PRMT8: variants seen among roughly 807,000 people sequenced by gnomAD.
The protein encoded by PRMT8 is protein arginine methyltransferase 8.
Under a neutral mutation model 47.1 loss-of-function variants are expected in PRMT8, and 7 were observed. The ratio of observed to expected loss-of-function variants is 0.15; its 90% CI spans 0.08 to 0.28. The LOEUF is 0.28. Among genes scored for constraint, PRMT8 ranks in the 10% least tolerant of loss-of-function variants. The pLI is 1.00. For missense variants in PRMT8, 237 were observed against 505.4 expected (o/e 0.47, Z 5.09); for synonymous variants, 188 against 186.5 (o/e 1.01, Z -0.07).
At chr12:3,541,701 G>C (rs1866233220) in intron 2 of PRMT8, among the ~76,000 whole-genome samples, 1 of 152,346 alleles carries the variant, frequency 6.6e-6, no homozygotes, top group East Asian at 1.9e-4. Flanking sequence ...ATGTGGAAAT[G>C]ATGACCCTGC....
intron 4 of PRMT8, among the ~76,000 whole-genome samples, chr12:3,558,797 A>T (rs1209990858): frequency 6.6e-6 from 1 of 152,196 alleles, no homozygotes; most frequent in East Asian, 1.9e-4. Context: ...TACTGACAGC[A>T]TCACTTAGGC....
At chr12:3,390,399 G>A (rs1210146630) in intron 1 of PRMT8, among the ~76,000 whole-genome samples, 3 of 152,220 alleles carry the variant, frequency 2.0e-5, no homozygotes, top group African/African-American at 7.2e-5. Context: ...ACCTATCAGT[G>A]AACTGATGTA....
rs545796138 is a variant in PRMT8, at chr12:3,514,560, T to C, written c.75+22860T>C. Among the ~76,000 whole-genome samples, 2 of 152,328 alleles carry C rather than the reference T, an allele frequency of 1.3e-5. No homozygotes were observed. The highest frequency in any genetic ancestry group is 3.9e-4 in the East Asian group (2 of 5,176). The stretch of plus-strand genomic sequence containing the variant: ...AATACATAACACGTGGAGCCTTTTT[T>C]CTGAGTGTGCCAGCATCCCACATGT... On this transcript the variant is annotated intron_variant, in intron 1 of 9. Transcript: ENST00000382622. This position sits in a 1 kb window ranked among gnomAD's most constrained non-coding sequence, Gnocchi z 5.9.
chr12:3,559,640 G>T (rs1866596539), intron 4 of PRMT8, among the ~76,000 whole-genome samples: 1 of 152,036 alleles, frequency 6.6e-6, no homozygotes, highest in Non-Finnish European at 1.5e-5. Flanking sequence ...TAATATGTTT[G>T]CTTACTACTC....
intron 1 of PRMT8, chr12:3,469,180 G>A (rs921543391): frequency 3.7e-5 from 18 of 485,686 alleles, no homozygotes; most frequent in South Asian, 3.1e-5. Flanking sequence ...GTGTGAGTGT[G>A]CAATTCACAG....
At chr12:3,584,013 G>A (rs550489047) in intron 8 of PRMT8, among the ~76,000 whole-genome samples, 106 of 152,364 alleles carry the variant, frequency 7.0e-4, no homozygotes, top group Non-Finnish European at 1.3e-3. Context: ...GCCTTAGTCA[G>A]AGGCTCTCAT....
chr12:3,577,961 A>G (rs754246707), intron 7 of PRMT8, among the ~76,000 whole-genome samples: 1 of 152,186 alleles, frequency 6.6e-6, no homozygotes, highest in Non-Finnish European at 1.5e-5. Context: ...ATCCTCCTCC[A>G]GAGGTAACCA....
intron 1 of PRMT8, among the ~76,000 whole-genome samples, chr12:3,505,840 C>T (rs143646759): frequency 3.9e-5 from 6 of 152,252 alleles, no homozygotes; most frequent in East Asian, 1.9e-4. Context: ...CGTGTGGAAA[C>T]GAGCCTATAA....
chr12:3,468,450 T>C (rs1357735318), intron 1 of PRMT8, among the ~76,000 whole-genome samples: 1 of 152,218 alleles, frequency 6.6e-6, no homozygotes, highest in African/African-American at 2.4e-5. Context: ...ATCTCTGATA[T>C]GGGTCCCATG....
intron 1 of PRMT8, among the ~76,000 whole-genome samples, chr12:3,382,536 A>C (rs549100967): frequency 6.6e-6 from 1 of 151,858 alleles, no homozygotes; most frequent in South Asian, 2.1e-4. Context: ...CTTTGGTGAA[A>C]CGTTGGTTCA....
At chr12:3,537,784 C>G (rs1454925307) in intron 1 of PRMT8, among the ~76,000 whole-genome samples, 1 of 152,162 alleles carries the variant, frequency 6.6e-6, no homozygotes, top group Non-Finnish European at 1.5e-5. Context: ...TGGCAGGCAG[C>G]CCCTCGGACA....
chr12:3,395,003 G>A (rs1051532739), intron 1 of PRMT8, among the ~76,000 whole-genome samples: 3 of 151,898 alleles, frequency 2.0e-5, no homozygotes, highest in African/African-American at 7.3e-5. Flanking sequence ...TTGCGTAGAG[G>A]TGTTTGTAGT....
chr12:3,535,543 G>A lies in PRMT8; in HGVS notation c.76-5063G>A, dbSNP rs1338018050. ...GCCTTTGGACGGAGGTGGGGAAAGA[G>A]CAAGGCAGGGTGCTTTCTCTGCCCT... On this transcript the variant is annotated intron_variant, in intron 1 of 9. Coordinates refer to ENST00000382622, the MANE Select transcript of PRMT8 (RefSeq NM_019854.5). The surrounding 1 kb of genome is among the most constrained non-coding windows in gnomAD (Gnocchi z 4.7). Among the ~76,000 whole-genome samples the A allele has an allele frequency of 1.3e-5, 2 of 152,198 alleles. No homozygotes were observed. The highest frequency in any genetic ancestry group is 3.9e-4 in the East Asian group (2 of 5,172).
rs1440844366 is a variant in PRMT8 at position 3,536,802 on chromosome 12, C to A, written c.76-3804C>A. ...GAAGGGCAGCCTGGAAGTGGTGGAA[C>A]AATCTGTCATGATCATATTTTTGTG... On this transcript the variant is annotated intron_variant, in intron 1 of 9. Coordinates refer to ENST00000382622, the MANE Select transcript of PRMT8 (RefSeq NM_019854.5). 2.0e-5 allele frequency among the ~76,000 whole-genome samples: 3 copies of A among 152,190 alleles called. No homozygotes were observed. In the East Asian group the frequency reaches 5.8e-4, roughly 29 times the overall value.
intron 1 of PRMT8, among the ~76,000 whole-genome samples, chr12:3,455,622 C>T (rs1864966220): frequency 6.6e-6 from 1 of 152,150 alleles, no homozygotes; most frequent in Admixed American, 6.5e-5. Context: ...TCTCTGGGCT[C>T]GGTCCTGGGA....
At chr12:3,560,796 G>C (rs2137193332) in intron 4 of PRMT8, among the ~76,000 whole-genome samples, 1 of 152,270 alleles carries the variant, frequency 6.6e-6, no homozygotes, top group South Asian at 2.1e-4. Flanking sequence ...GCAACTTAAT[G>C]GTAGGGAGGA....
rs913107421 is a variant in PRMT8, at chr12:3,453,170, T to C, written c.48+71728T>C. Among the ~76,000 whole-genome samples, 2 of 151,918 alleles carry C rather than the reference T, an allele frequency of 1.3e-5. No homozygotes were observed. Among genetic ancestry groups the C allele is most frequent in the African/African-American group, 4.8e-5 (2 of 41,352 alleles). On this transcript the variant is annotated intron_variant, in intron 1 of 9. Transcript: ENST00000452611. The surrounding 1 kb of genome is among the most constrained non-coding windows in gnomAD (Gnocchi z 4.9). ...GACCGTCCTGAAGAGTGGCCTGTGA[T>C]GGAAAAGGCCAGCAAGAACCATGGA...
At chr12:3,559,114 A>G (rs1866586443) in intron 4 of PRMT8, among the ~76,000 whole-genome samples, 1 of 152,088 alleles carries the variant, frequency 6.6e-6, no homozygotes, top group Non-Finnish European at 1.5e-5. Flanking sequence ...TCATTTCACT[A>G]TAGATTCCTA....
intron 6 of PRMT8, among the ~76,000 whole-genome samples, chr12:3,571,630 A>T (rs1162637569): frequency 6.6e-6 from 1 of 152,206 alleles, no homozygotes; most frequent in South Asian, 2.1e-4. Context: ...AGGAAAAAAA[A>T]AAATCTGAAA....
Sources: gnomAD v4.1 joint callset for allele counts (sites outside exome capture counted in the v4.1 genomes callset) on GRCh38, gnomAD v4.1.1 for gene constraint, Gnocchi (gnomAD v3.1) non-coding constraint, MANE v1.5 for transcripts, NCBI Gene and HGNC (gene_info 2026-07-23, HGNC 2026-07-21) for gene names.